SLC13A4: variants seen among roughly 807,000 people sequenced by gnomAD.
The protein encoded by SLC13A4 is Na(+)/sulfate cotransporter SUT-1.
SLC13A4 carries 28 observed loss-of-function variants against 72.7 expected under a neutral mutation model. The ratio of observed to expected loss-of-function variants is 0.39; its 90% CI spans 0.29 to 0.53. The LOEUF (loss-of-function observed/expected upper bound fraction) is 0.53, where lower values mean the gene tolerates loss of function less well. Among genes scored for constraint, SLC13A4 ranks in the 20% least tolerant of loss-of-function variants. The pLI, the probability that SLC13A4 is intolerant of heterozygous loss-of-function variation, is 0.78. For missense variants in SLC13A4, 653 were observed against 788.0 expected, an observed-to-expected ratio of 0.83 and a Z score of 2.05; for synonymous variants, 312 against 325.5, an observed-to-expected ratio of 0.96 and a Z score of 0.45.
intron 8 of SLC13A4, among the ~76,000 whole-genome samples, chr7:135,697,722 G>C (rs892093062): frequency 1.3e-5 from 2 of 151,780 alleles, no homozygotes; most frequent in Admixed American, 1.3e-4. Context: ...AGTGGGTCTT[G>C]CCAAGCCCTG....
At chr7:135,710,505 G>A (rs936185982) in intron 2 of SLC13A4, among the ~76,000 whole-genome samples, 3 of 152,098 alleles carry the variant, frequency 2.0e-5, no homozygotes, top group African/African-American at 7.2e-5. Context: ...AATATCATAT[G>A]GGAATGGAGC....
In SLC13A4 at chr7:135,721,462, G is replaced by A. The variant is rs1421497564; in HGVS notation, c.161C>T (p.Pro54Leu). The stretch of plus-strand genomic sequence containing the variant: ...CGGCACCAGGGCTGCAGCTCCCAGA[G>A]GCACTGCCTCCGACACCCAGTACAC... ...TAVYWVSEAV[P>L]LGAAALVPAF... is the part of the protein sequence containing the mutation. The change falls in exon 2 of 16, where the codon CCT becomes CTT. Residue 54 changes from proline to leucine, a missense_variant. By Grantham distance (98) the Pro-to-Leu change is moderately conservative. Transcript: ENST00000682651. 1 of 1,614,166 alleles carries A rather than the reference G, an allele frequency of 6.2e-7. No individual in the cohort carries two copies. Among genetic ancestry groups the A allele is most frequent in the African/African-American group, 1.3e-5 (1 of 75,050 alleles).
At position 135,705,207 on chromosome 7, in the gene SLC13A4, A is replaced by G. The variant is rs533503219; in HGVS notation, c.593+389T>C. On this transcript the variant is annotated intron_variant, in intron 5 of 15. Coordinates refer to ENST00000682651, the MANE Select transcript of SLC13A4 (RefSeq NM_001318192.2). ...CTAGAAAATATTTCATGATTCTCCAAGAATCTGCAGTGGCATCGAGATGTG... is the reference window on the plus strand; with the variant it reads ...CTAGAAAATATTTCATGATTCTCCAGGAATCTGCAGTGGCATCGAGATGTG... The G allele has an allele frequency of 1.1e-3, 192 of 173,868 alleles. 1 individual carries two copies. The highest frequency in any genetic ancestry group is 4.4e-3 in the African/African-American group (185 of 42,432). 10.8% of individuals were successfully genotyped at this position (173,868 alleles called of 1,614,324 possible).
intron 1 of SLC13A4, among the ~76,000 whole-genome samples, chr7:135,726,914 C>G (rs569873164): frequency 1.6e-4 from 25 of 152,352 alleles, no homozygotes; most frequent in African/African-American, 4.8e-4. Context: ...CCCACCAGGA[C>G]ACGACCACAG....
intron 13 of SLC13A4, among the ~76,000 whole-genome samples, chr7:135,690,627 T>A (rs557799293): frequency 3.9e-5 from 6 of 152,184 alleles, no homozygotes; most frequent in Non-Finnish European, 8.8e-5. Context: ...AACCTTTTGC[T>A]TGTAGCAGCA....
intron 10 of SLC13A4, 80 bp from the exon 11 acceptor site, chr7:135,692,504 G>A: frequency 2.0e-6 from 2 of 978,768 alleles, no homozygotes; most frequent in Admixed American, 2.6e-5. Flanking sequence ...GGAAGCTTCT[G>A]TATTTAGAGT....
At chr7:135,683,892 T>G (rs899183562) in intron 15 of SLC13A4, 1 of 695,330 alleles carries the variant, frequency 1.4e-6, no homozygotes, top group Non-Finnish European at 1.8e-6. Flanking sequence ...TTTCTCTACC[T>G]AGGTACCCAC....
chr7:135,722,679 A>G (rs1219028044), intron 1 of SLC13A4, among the ~76,000 whole-genome samples: 1 of 152,212 alleles, frequency 6.6e-6, no homozygotes, highest in Non-Finnish European at 1.5e-5. Context: ...AACTTGATTC[A>G]GTAGTAAATT....
In SLC13A4 at chr7:135,695,276, C is replaced by T; in HGVS notation, c.1019+92G>A. The T allele has an allele frequency of 2.0e-6, 3 of 1,522,496 alleles. No individual in the cohort carries two copies. In the South Asian group the frequency reaches 3.8e-5, roughly 19 times the overall value. 94.3% of individuals were successfully genotyped at this position (1,522,496 alleles called of 1,614,324 possible). On this transcript the variant is annotated intron_variant, in intron 9 of 15. Transcript: ENST00000682651. ...GCATCCTCTGTGGTTACTTGGCAGT[C>T]CCCCTTGCACAGAGCCATCCAGGGC...
At chr7:135,682,918 G>A (rs1252803457) in intron 15 of SLC13A4, among the ~76,000 whole-genome samples, 1 of 152,184 alleles carries the variant, frequency 6.6e-6, no homozygotes. Context: ...GGGTTACGCA[G>A]TAAGATGGGA....
intron 1 of SLC13A4, among the ~76,000 whole-genome samples, chr7:135,723,477 C>T (rs1478754079): frequency 6.6e-6 from 1 of 152,156 alleles, no homozygotes; most frequent in East Asian, 1.9e-4. Context: ...TTAATGGTAA[C>T]ATCACCAAGC....
In SLC13A4 at chr7:135,689,269, A is replaced by G. The variant is rs77564650; in HGVS notation, c.1446+1932T>C. Among the ~76,000 whole-genome samples, 604 of 152,328 alleles carry G rather than the reference A, an allele frequency of 4.0e-3. 1 individual carries two copies. The highest frequency in any genetic ancestry group is 0.013 in the African/African-American group (556 of 41,570). ...AACAACTGAAATTCAATAAAGATAA[A>G]TATAAATATCCCGAACTTGGAATGA... On this transcript the variant is annotated intron_variant, in intron 13 of 15. Coordinates refer to ENST00000682651, the MANE Select transcript of SLC13A4 (RefSeq NM_001318192.2).
In SLC13A4 at chr7:135,684,257, T is replaced by G; in HGVS notation, c.1613A>C (p.Glu538Ala). 6.2e-7 allele frequency: 1 copy of G among 1,602,390 alleles called. No homozygotes were observed. Among genetic ancestry groups the G allele is most frequent in the Non-Finnish European group, 8.5e-7 (1 of 1,172,550 alleles). ...GTAGAGGGGGTTAATGTGCAGCGTT[T>G]CAGACTAGAAGAGAGAATTCACAGA... ...IFLPILCSLSETLHINPLYTL... is the reference protein window; with the variant it reads ...IFLPILCSLSATLHINPLYTL... The change falls in exon 15 of 16, where the codon GAA becomes GCA. Residue 538 changes from glutamate (E) to alanine (A), a missense_variant. Glu to Ala is a moderately radical substitution (Grantham distance 107). Coordinates refer to ENST00000682651, the MANE Select transcript of SLC13A4 (RefSeq NM_001318192.2).
intron 8 of SLC13A4, 147 bp downstream of exon 8, chr7:135,699,217 G>T: frequency 1.2e-6 from 1 of 817,136 alleles, no homozygotes; most frequent in Non-Finnish European, 1.8e-6. Context: ...CCTTATTACA[G>T]ATATGAGCCA....
At chr7:135,703,142 G>C in intron 5 of SLC13A4, 1 of 523,530 alleles carries the variant, frequency 1.9e-6, no homozygotes, top group Non-Finnish European at 3.4e-6. Flanking sequence ...CCTAACAGCA[G>C]ATGTGGAGTG....
At chr7:135,720,891 T>C (rs1020067775) in intron 2 of SLC13A4, among the ~76,000 whole-genome samples, 2 of 151,558 alleles carry the variant, frequency 1.3e-5, no homozygotes, top group Admixed American at 1.3e-4. Flanking sequence ...GAAAAAGAAA[T>C]GTTGTTTTTT....
intron 2 of SLC13A4, among the ~76,000 whole-genome samples, chr7:135,710,885 A>T (rs986709353): frequency 2.0e-5 from 3 of 151,024 alleles, no homozygotes; most frequent in Admixed American, 6.6e-5. Context: ...TCCTCAGCGG[A>T]CTACTGTCAC....
intron 7 of SLC13A4, among the ~76,000 whole-genome samples, chr7:135,700,829 T>C (rs1391403799): frequency 1.3e-5 from 2 of 152,158 alleles, no homozygotes; most frequent in Non-Finnish European, 2.9e-5. Context: ...CTTTTATTTT[T>C]AGTAGAGACG....
chr7:135,690,451 A>G (rs1795755661), intron 13 of SLC13A4, among the ~76,000 whole-genome samples: 1 of 152,220 alleles, frequency 6.6e-6, no homozygotes, highest in Non-Finnish European at 1.5e-5. Context: ...GGCTCAGTCT[A>G]TGTATTGTGG....
Sources: gnomAD v4.1 joint callset for allele counts (sites outside exome capture counted in the v4.1 genomes callset) on GRCh38, gnomAD v4.1.1 for gene constraint, MANE v1.5 for transcripts, NCBI Gene and HGNC (gene_info 2026-07-23, HGNC 2026-07-21) for gene names.